The following TRPC4 variants were observed in gnomAD, a reference collection of about 807,000 sequenced individuals.
The protein encoded by TRPC4 is transient receptor potential cation channel subfamily C member 4.
In TRPC4, 49 loss-of-function variants were observed where a neutral mutation model predicts 99.4. That is an observed-to-expected ratio of 0.49 (90% CI 0.39 to 0.63). TRPC4 has a LOEUF of 0.63. TRPC4 is among the 20% of genes least tolerant of loss of function. The pLI, the probability that TRPC4 is intolerant of heterozygous loss-of-function variation, is 0.00. For missense variants in TRPC4, 898 were observed against 1,152.9 expected (o/e 0.78, Z 3.20); for synonymous variants, 454 against 425.9 (o/e 1.07, Z -0.81).
chr13:37,692,138 C>T lies in TRPC4; in HGVS notation c.1095G>A (p.Lys365=). The change falls in exon 4 of 11, where the codon AAG becomes AAA. Residue 365 remains lysine (K), a synonymous_variant. Coordinates refer to ENST00000379705, the MANE Select transcript of TRPC4 (RefSeq NM_016179.4). ...AATAGGAGGCTGTGTGGCAGATAAA[C>T]TTGATAAATGGCTTCCTGATGAACA... is the stretch of plus-strand genomic sequence containing the variant. The part of the protein sequence containing the change: ...LGLFIRKPFI[K]FICHTASYLT... 1 of 1,614,124 alleles carries T rather than the reference C, an allele frequency of 6.2e-7. No homozygotes were observed. The highest frequency in any genetic ancestry group is 2.2e-5 in the East Asian group (1 of 44,864).
chr13:37,757,081 A>C (rs1391864516), intron 2 of TRPC4, among the ~76,000 whole-genome samples: 2 of 14,222 alleles, frequency 1.4e-4, no homozygotes, highest in Non-Finnish European at 2.4e-3. Flanking sequence ...AAATATATGT[A>C]AAATACATTA....
rs200035373 is a variant in TRPC4 at position 37,752,796 on chromosome 13, C to CA, written c.379-6342dup. 2.7e-3 allele frequency among the ~76,000 whole-genome samples: 407 copies of CA among 151,230 alleles called. 3 individuals carry two copies. The highest frequency in any genetic ancestry group is 9.1e-3 in the African/African-American group (377 of 41,264). Reference sequence around the variant, plus strand: ...ACAGATTCGCAGGTGCTCAAACAAACAAAAAAAATAAAGAAGATAACTTCA... The same window carrying CA: ...ACAGATTCGCAGGTGCTCAAACAAACAAAAAAAAATAAAGAAGATAACTTCA... On this transcript the variant is annotated intron_variant, in intron 2 of 10. Transcript: ENST00000379705.
intron 1 of TRPC4, among the ~76,000 whole-genome samples, chr13:37,804,460 T>C (rs1004431075): frequency 1.3e-5 from 2 of 152,078 alleles, no homozygotes; most frequent in Admixed American, 6.6e-5. Flanking sequence ...GGAAAGAGGA[T>C]ATCAGCTCTT....
intron 5 of TRPC4, among the ~76,000 whole-genome samples, chr13:37,673,152 G>T (rs559731077): frequency 1.5e-5 from 2 of 137,624 alleles, no homozygotes; most frequent in Non-Finnish European, 3.0e-5. Context: ...GTGTCCACGT[G>T]TTCTCATTGT....
At chr13:37,702,443 A>C (rs1310590619) in intron 3 of TRPC4, among the ~76,000 whole-genome samples, 1 of 152,188 alleles carries the variant, frequency 6.6e-6, no homozygotes, top group Admixed American at 6.6e-5. Context: ...CAAATATTCC[A>C]AATATATTTC....
chr13:37,779,680 AT>A (rs1366808639), intron 2 of TRPC4, among the ~76,000 whole-genome samples: 2 of 152,164 alleles, frequency 1.3e-5, no homozygotes, highest in African/African-American at 4.8e-5. Context: ...CCTCCTTATC[AT>A]CTACATAACA....
chr13:37,761,187 A>T (rs1331261598), intron 2 of TRPC4, among the ~76,000 whole-genome samples: 1 of 151,904 alleles, frequency 6.6e-6, no homozygotes, highest in Admixed American at 6.6e-5. Context: ...CCTGTATGAA[A>T]CACTTGCCAT....
At chr13:37,775,714 C>T (rs1313931593) in intron 2 of TRPC4, among the ~76,000 whole-genome samples, 1 of 151,638 alleles carries the variant, frequency 6.6e-6, no homozygotes, top group Non-Finnish European at 1.5e-5. Context: ...AGAAGAGCCT[C>T]ATCCTGTATT....
intron 3 of TRPC4, among the ~76,000 whole-genome samples, chr13:37,711,258 AT>A (rs1285789741): frequency 6.6e-6 from 1 of 152,012 alleles, no homozygotes; most frequent in Non-Finnish European, 1.5e-5. Context: ...TCCATGAATT[AT>A]TTTAACATCA....
rs753486325 is a variant in TRPC4, at chr13:37,639,333, A to G, written c.2080-34T>C. 8.1e-6 allele frequency: 13 copies of G among 1,599,014 alleles called. 2 individuals are homozygous for G. In the South Asian group the frequency reaches 1.5e-4, roughly 18 times the overall value. ...GAAAAGGACATTCCTTTCTGGTTAT[A>G]CTGTTATATTACTATTCTAAAAAAT... is the stretch of plus-strand genomic sequence containing the variant. On this transcript the variant is annotated intron_variant, in intron 8 of 10. Coordinates refer to ENST00000379705, the MANE Select transcript of TRPC4 (RefSeq NM_016179.4).
chr13:37,684,868 A>G (rs1319183185), intron 4 of TRPC4, among the ~76,000 whole-genome samples: 2 of 151,900 alleles, frequency 1.3e-5, no homozygotes, highest in African/African-American at 4.8e-5. Flanking sequence ...GTCCTTGAAG[A>G]AAATAAATTT....
intron 3 of TRPC4, among the ~76,000 whole-genome samples, chr13:37,709,012 T>C (rs1358225685): frequency 1.3e-4 from 20 of 151,930 alleles, no homozygotes; most frequent in Admixed American, 1.3e-3. Flanking sequence ...ATCTGTACAA[T>C]TTATAGGTCT....
chr13:37,841,752 G>C (rs1220493794), intron 1 of TRPC4, among the ~76,000 whole-genome samples: 1 of 152,054 alleles, frequency 6.6e-6, no homozygotes, highest in Non-Finnish European at 1.5e-5. Flanking sequence ...ATGCTGGTGA[G>C]GAGGTGAACA....
intron 8 of TRPC4, among the ~76,000 whole-genome samples, chr13:37,650,409 T>G (rs2138606729): frequency 6.6e-6 from 1 of 152,280 alleles, no homozygotes; most frequent in East Asian, 1.9e-4. Flanking sequence ...AAGAATGATT[T>G]GTCTTATGTC....
chr13:37,710,019 A>G (rs1954425153), intron 3 of TRPC4, among the ~76,000 whole-genome samples: 1 of 151,986 alleles, frequency 6.6e-6, no homozygotes, highest in Admixed American at 6.6e-5. Flanking sequence ...AAAGACAAAT[A>G]AGCAATAAGA....
intron 2 of TRPC4, among the ~76,000 whole-genome samples, chr13:37,751,196 G>T (rs1227948966): frequency 2.6e-5 from 4 of 152,010 alleles, no homozygotes; most frequent in African/African-American, 9.7e-5. Context: ...CTCAGCATAC[G>T]ACATGGCTTG....
intron 2 of TRPC4, among the ~76,000 whole-genome samples, chr13:37,766,531 A>C (rs1240218647): frequency 6.6e-6 from 1 of 151,448 alleles, no homozygotes; most frequent in African/African-American, 2.4e-5. Context: ...TACATGGATA[A>C]TATATCCTGG....
At chr13:37,721,211 C>G (rs960656426) in intron 3 of TRPC4, among the ~76,000 whole-genome samples, 1 of 152,180 alleles carries the variant, frequency 6.6e-6, no homozygotes, top group South Asian at 2.1e-4. Flanking sequence ...AAAAGAAACC[C>G]TCTAGTTTCT....
At chr13:37,657,718 G>C (rs186335670) in intron 6 of TRPC4, among the ~76,000 whole-genome samples, 1 of 152,194 alleles carries the variant, frequency 6.6e-6, no homozygotes, top group African/African-American at 2.4e-5. Context: ...ATTTTGAATA[G>C]TACACATTTG....
Sources: allele counts gnomAD v4.1 joint callset (sites outside exome capture counted in the v4.1 genomes callset), GRCh38; gene constraint gnomAD v4.1.1; transcripts MANE v1.5; gene names NCBI Gene and HGNC (gene_info 2026-07-23, HGNC 2026-07-21).